Variants in SFI1 observed in about 807,000 individuals in gnomAD.
The protein encoded by SFI1 is SFI1 centrin binding protein, also known as protein SFI1 homolog.
SFI1 carries 195 observed loss-of-function variants against 207.5 expected under a neutral mutation model. That is an observed-to-expected ratio of 0.94 (90% CI 0.84 to 1.06). The LOEUF (loss-of-function observed/expected upper bound fraction) is 1.06, where lower values mean the gene tolerates loss of function less well. Ranked by LOEUF, SFI1 falls within the 50% of genes least tolerant of loss-of-function variation. The pLI is 0.00. For missense variants in SFI1, 1,634 were observed against 1,588.0 expected (o/e 1.03, Z -0.49); for synonymous variants, 630 against 598.9 (o/e 1.05, Z -0.76).
At chr22:31,602,499 C>G (rs1447948891) in intron 16 of SFI1, 108 bp from the exon 17 acceptor site, 1 of 1,345,206 alleles carries the variant, frequency 7.4e-7, no homozygotes, top group Admixed American at 1.8e-5. Flanking sequence ...GTCCTGACAT[C>G]CATTCCTTTT....
intron 8 of SFI1, among the ~76,000 whole-genome samples, chr22:31,563,028 C>G (rs962954476): frequency 2.0e-5 from 3 of 148,068 alleles, no homozygotes; most frequent in African/African-American, 7.5e-5. Flanking sequence ...ATTGCTCGCT[C>G]TGTCACCCAG....
chr22:31,527,032 G>C (rs1330144635), intron 2 of SFI1, among the ~76,000 whole-genome samples: 2 of 152,092 alleles, frequency 1.3e-5, no homozygotes, highest in African/African-American at 2.4e-5. Context: ...AAGTAGCTGA[G>C]ATTACAGGCA....
chr22:31,596,470 A>G (rs1192123162), intron 15 of SFI1, among the ~76,000 whole-genome samples: 1 of 151,980 alleles, frequency 6.6e-6, no homozygotes. Context: ...CTAGTCATGT[A>G]TTGTGGGCTG....
In SFI1 at chr22:31,575,289, G is replaced by T. The variant is rs776427007; in HGVS notation, c.981G>T (p.Gln327His). The change falls in exon 10 of 33, where the codon CAG becomes CAT. Residue 327 changes from glutamine to histidine, a missense_variant. Transcript: ENST00000400288. Reference sequence around the variant, plus strand: ...TCCAGATATACTTCTGTGACTGGCAGCAGGCCTGGGAGCGGAGGGAGAGCT... The same window carrying T: ...TCCAGATATACTTCTGTGACTGGCATCAGGCCTGGGAGCGGAGGGAGAGCT... ...TVLQIYFCDW[Q>H]QAWERRESLY... is the part of the protein sequence containing the mutation. The T allele has an allele frequency of 6.2e-7, 1 of 1,613,166 alleles. No homozygotes were observed. Among genetic ancestry groups the T allele is most frequent in the Non-Finnish European group, 8.5e-7 (1 of 1,179,664 alleles).
In SFI1 at chr22:31,562,092, G is replaced by T. The variant is rs191396251; in HGVS notation, c.765+700G>T. Among the ~76,000 whole-genome samples the T allele has an allele frequency of 1.3e-5, 2 of 152,180 alleles. 1 individual carries two copies. The highest frequency in any genetic ancestry group is 4.1e-4 in the South Asian group (2 of 4,834). ...TGCAAATAGCATATATAGTCATCTA[G>T]ATCAGTGATCAGCAAACTGGCTCAC... On this transcript the variant is annotated intron_variant, in intron 8 of 32. Coordinates refer to ENST00000400288, the MANE Select transcript of SFI1 (RefSeq NM_001007467.3).
Position 31,580,417 on chromosome 22 carries a change from G to A in SFI1, c.1248+53G>A, listed in dbSNP as rs368242436. ...CCTCTTCTGAAGGCCATTCTCTCTC[G>A]CTCTTTTTTTCAGTCTTGCCAAATT... On this transcript the variant is annotated intron_variant, in intron 12 of 32. Coordinates refer to ENST00000400288, the MANE Select transcript of SFI1 (RefSeq NM_001007467.3). The A allele has an allele frequency of 3.1e-5, 46 of 1,465,180 alleles. No homozygotes were observed. The African/African-American group carries it at 4.0e-4, about 13-fold the overall frequency. The allele number at this position is 1,465,180 out of a possible 1,614,324, so 90.8% of individuals were successfully genotyped here.
At chr22:31,498,646 G>A (rs1440979753) in intron 1 of SFI1, among the ~76,000 whole-genome samples, 8 of 85,968 alleles carry the variant, frequency 9.3e-5, no homozygotes, top group Non-Finnish European at 2.3e-4. Context: ...GCAAGACTCC[G>A]TCTAAAAAAA....
intron 9 of SFI1, 136 bp from the exon 10 acceptor site, chr22:31,575,092 GTGT>G: frequency 9.7e-6 from 2 of 205,466 alleles, no homozygotes; most frequent in South Asian, 1.2e-4. Flanking sequence ...GTGCGTGTGT[GTGT>G]GTGTGTGTGT....
intron 6 of SFI1, among the ~76,000 whole-genome samples, chr22:31,555,924 G>C (rs1338917454): frequency 6.6e-6 from 1 of 152,116 alleles, no homozygotes; most frequent in African/African-American, 2.4e-5. Context: ...CTACATCTTG[G>C]AGGCTGTCCT....
intron 6 of SFI1, among the ~76,000 whole-genome samples, chr22:31,556,486 T>C (rs2061179419): frequency 6.6e-6 from 1 of 152,164 alleles, no homozygotes; most frequent in African/African-American, 2.4e-5. Context: ...CCTTCCAAAG[T>C]GCTGGGATTA....
intron 17 of SFI1, 70 bp from the exon 18 acceptor site, chr22:31,603,674 A>G: frequency 7.6e-7 from 1 of 1,308,036 alleles, no homozygotes; most frequent in Non-Finnish European, 1.0e-6. Context: ...ATGGACTATG[A>G]GGAGGAACCC....
At chr22:31,609,568 T>C (rs1312652652) in intron 22 of SFI1, among the ~76,000 whole-genome samples, 1 of 152,218 alleles carries the variant, frequency 6.6e-6, no homozygotes, top group African/African-American at 2.4e-5. Context: ...TTTAATAGAG[T>C]TTGCTCCAGG....
chr22:31,573,296 A>G (rs1282400819), intron 9 of SFI1, 82 bp downstream of exon 9: 2 of 1,443,636 alleles, frequency 1.4e-6, no homozygotes, highest in Non-Finnish European at 1.9e-6. Flanking sequence ...CTGTACTAAG[A>G]AGTAATATAA....
intron 6 of SFI1, among the ~76,000 whole-genome samples, chr22:31,554,029 G>T (rs1237231307): frequency 2.7e-5 from 4 of 150,780 alleles, no homozygotes; most frequent in South Asian, 4.2e-4. Flanking sequence ...CAGAGATGGG[G>T]GTCTTGCTTT....
intron 31 of SFI1, among the ~76,000 whole-genome samples, chr22:31,617,552 C>G (rs2071884796): frequency 1.3e-5 from 2 of 152,060 alleles, no homozygotes; most frequent in South Asian, 4.2e-4. Context: ...GAAACCCCAT[C>G]TCTACTAAAA....
chr22:31,582,142 C>T (rs1161564867), intron 12 of SFI1, among the ~76,000 whole-genome samples: 2 of 120,992 alleles, frequency 1.7e-5, no homozygotes, highest in Admixed American at 2.0e-4. Flanking sequence ...GATTTTGTTG[C>T]TATATTTCTT....
chr22:31,596,249 A>G (rs2067093470), intron 15 of SFI1, among the ~76,000 whole-genome samples: 1 of 152,034 alleles, frequency 6.6e-6, no homozygotes, highest in Admixed American at 6.6e-5. Flanking sequence ...GCGAGACTCC[A>G]TCTCAAAATA....
chr22:31,521,026 AG>A (rs757084737), intron 2 of SFI1, among the ~76,000 whole-genome samples: 11 of 148,812 alleles, frequency 7.4e-5, no homozygotes, highest in Non-Finnish European at 8.9e-5. Flanking sequence ...AAAAAAAAAA[AG>A]TAGAGTTCAA....
intron 32 of SFI1, 33 bp downstream of exon 32, chr22:31,618,259 G>C (rs114449294): frequency 1.3e-6 from 2 of 1,599,272 alleles, no homozygotes; most frequent in Admixed American, 3.5e-5. Context: ...GGTGTCCCTG[G>C]GGACGCCCCG....
Sources: allele counts gnomAD v4.1 joint callset (sites outside exome capture counted in the v4.1 genomes callset), GRCh38; gene constraint gnomAD v4.1.1; transcripts MANE v1.5; gene names NCBI Gene and HGNC (gene_info 2026-07-23, HGNC 2026-07-21).